Variants in TENM1 observed in about 807,000 individuals in gnomAD.
TENM1 encodes the protein teneurin transmembrane protein 1.
In TENM1, 35 loss-of-function variants were observed where a neutral mutation model predicts 174.8. That is an observed-to-expected ratio of 0.20 (90% CI 0.15 to 0.27). The LOEUF (loss-of-function observed/expected upper bound fraction) is 0.27. TENM1 is among the 10% of genes least tolerant of loss of function. The pLI, the probability that TENM1 is intolerant of heterozygous loss-of-function variation, is 1.00. For synonymous variants in TENM1, 781 were observed against 798.7 expected, an observed-to-expected ratio of 0.98 and a Z score of 0.37; for missense variants, 1,633 against 2,130.1, an observed-to-expected ratio of 0.77 and a Z score of 4.59.
the TENM1 span, among the ~76,000 whole-genome samples, chrX:125,143,476 C>T: frequency 9.0e-6 from 1 of 111,627 alleles, no homozygotes; most frequent in Non-Finnish European, 1.9e-5. Context: ...ATAGTTTACA[C>T]ACCTTCTGTC....
chrX:124,959,818 A>G lies in TENM1; in HGVS notation c.217+3719T>C, dbSNP rs190381715. The stretch of plus-strand genomic sequence containing the variant: ...GACTCTGTTATTTCCTTCAACCTCA[A>G]CCAGTAATCAATTATGAGGTTCTAT... On this transcript the variant is annotated intron_variant, in intron 1 of 31. Transcript: ENST00000422452. Among the ~76,000 whole-genome samples, 497 of 111,675 alleles carry G rather than the reference A, an allele frequency of 4.5e-3. 6 individuals are homozygous for G. Among genetic ancestry groups the G allele is most frequent in the African/African-American group, 0.015 (459 of 30,822 alleles).
chrX:125,056,642 T>C, the TENM1 span, among the ~76,000 whole-genome samples: 17 of 110,735 alleles, frequency 1.5e-4, no homozygotes, highest in Non-Finnish European at 2.6e-4. Flanking sequence ...AGGGAGAAGA[T>C]CTAAGGCAAA....
At chrX:124,736,851 A>C in intron 4 of TENM1, 106 bp downstream of exon 7, 1 of 1,037,894 alleles carries the variant, frequency 9.6e-7, no homozygotes. Context: ...CGGTTTGTGC[A>C]TTTGTGTGTC....
intron 23 of TENM1, among the ~76,000 whole-genome samples, chrX:124,425,798 GGTTCTAGACAGATCATCCT>G (rs2060706841): frequency 9.0e-6 from 1 of 111,151 alleles, no homozygotes. Context: ...GTCATATTTG[GGTTCTAGACAGATCATCCT>G]GGCTGCTGTC....
intron 23 of TENM1, among the ~76,000 whole-genome samples, chrX:124,432,801 T>C: frequency 8.9e-6 from 1 of 111,734 alleles, no homozygotes; most frequent in Non-Finnish European, 1.9e-5. Context: ...TTATCTGTAG[T>C]CAAGTGAAGT....
At chrX:124,912,948 T>C (rs2057861041) in intron 1 of TENM1, among the ~76,000 whole-genome samples, 1 of 111,365 alleles carries the variant, frequency 9.0e-6, no homozygotes, top group South Asian at 3.7e-4. Flanking sequence ...AAAACTAAAA[T>C]ATATATCATC....
intron 15 of TENM1, among the ~76,000 whole-genome samples, chrX:124,541,288 T>C (rs2048313297): frequency 8.9e-6 from 1 of 112,210 alleles, no homozygotes; most frequent in Admixed American, 9.4e-5. Flanking sequence ...ATCCCCAGTA[T>C]TGGAGATGGG....
chrX:124,546,855 A>G lies in TENM1; in HGVS notation c.2651+19T>C. 1 of 1,151,066 alleles carries G rather than the reference A, an allele frequency of 8.7e-7. No individual in the cohort carries two copies. The allele number at this position is 1,151,066 out of a possible 1,213,427, so 94.9% of individuals were successfully genotyped here. ...ACATGACCATTGTTCACTAAGGAAT[A>G]AAATAAATACATATGTACCTGCTGT... On this transcript the variant is annotated intron_variant, in intron 15 of 31. Transcript: ENST00000422452.
At chrX:125,120,467 C>A in the TENM1 span, among the ~76,000 whole-genome samples, 1 of 110,384 alleles carries the variant, frequency 9.1e-6, no homozygotes, top group African/African-American at 3.3e-5. Context: ...TGCCCTCCCC[C>A]AACCTGCCCC....
chrX:124,991,312 G>A, the TENM1 span, among the ~76,000 whole-genome samples: 1 of 111,235 alleles, frequency 9.0e-6, no homozygotes. Context: ...CTTAAAAGAG[G>A]AGTAGCCAGT....
chrX:125,024,864 T>A, the TENM1 span, among the ~76,000 whole-genome samples: 1 of 111,510 alleles, frequency 9.0e-6, no homozygotes, highest in Admixed American at 9.6e-5. Context: ...TTTATATTTT[T>A]ATCTGTTTTT....
chrX:125,109,935 T>C, the TENM1 span, among the ~76,000 whole-genome samples: 7 of 111,783 alleles, frequency 6.3e-5, no homozygotes, highest in African/African-American at 1.9e-4. Flanking sequence ...TGGCAGGGCA[T>C]AGCAGATCCA....
chrX:125,032,415 C>G, the TENM1 span, among the ~76,000 whole-genome samples: 1 of 110,887 alleles, frequency 9.0e-6, no homozygotes, highest in Non-Finnish European at 1.9e-5. Flanking sequence ...GGTGATCCAT[C>G]CGCCTCGGCC....
the TENM1 span, among the ~76,000 whole-genome samples, chrX:125,155,520 G>A: frequency 9.1e-6 from 1 of 110,253 alleles, no homozygotes; most frequent in East Asian, 2.9e-4. Context: ...GGAGCAGGGG[G>A]TGGCGCTCGT....
chrX:124,463,364 T>C (rs2061200505), intron 22 of TENM1, among the ~76,000 whole-genome samples: 2 of 112,077 alleles, frequency 1.8e-5, no homozygotes, highest in African/African-American at 6.5e-5. Flanking sequence ...AGATAAAGTA[T>C]TATGGTGGTG....
chrX:124,793,179 G>A (rs191589537), intron 3 of TENM1, among the ~76,000 whole-genome samples: 264 of 111,465 alleles, frequency 2.4e-3, no homozygotes, highest in African/African-American at 8.1e-3. Context: ...AGTGTGAGAT[G>A]TCAGACCTCA....
At chrX:124,953,756 T>C (rs777546448) in intron 1 of TENM1, among the ~76,000 whole-genome samples, 22 of 112,000 alleles carry the variant, frequency 2.0e-4, no homozygotes, top group African/African-American at 6.8e-4. Flanking sequence ...TGATATTATG[T>C]AGATCCTCAA....
rs190203259 is a variant in TENM1, at chrX:124,877,482, G to A, written c.535+16814C>T. Among the ~76,000 whole-genome samples the A allele has an allele frequency of 2.0e-3, 221 of 111,948 alleles. 1 individual carries two copies. Among genetic ancestry groups the A allele is most frequent in the African/African-American group, 6.5e-3 (201 of 30,841 alleles). ...TTCTGAAAGTGACTGGTACCTCAAA[G>A]CTTGGCCCACATACTCATTCAAGGA... On this transcript the variant is annotated intron_variant, in intron 3 of 31. Coordinates refer to ENST00000422452, the Ensembl canonical transcript of TENM1.
At chrX:124,617,897 A>G (rs1223782921) in intron 11 of TENM1, among the ~76,000 whole-genome samples, 1 of 111,788 alleles carries the variant, frequency 8.9e-6, no homozygotes, top group African/African-American at 3.3e-5. Context: ...GAAATGAAAG[A>G]GAGGGTTAAA....
Sources: allele counts gnomAD v4.1 joint callset (sites outside exome capture counted in the v4.1 genomes callset), GRCh38; gene constraint gnomAD v4.1.1; transcripts MANE v1.5; gene names NCBI Gene and HGNC (gene_info 2026-07-23, HGNC 2026-07-21).